The following EDARADD variants were observed in gnomAD, a reference collection of about 807,000 sequenced individuals.
EDARADD encodes the protein EDAR associated via death domain.
In EDARADD, 20 loss-of-function variants were observed where a neutral mutation model predicts 25.6. That is an observed-to-expected ratio of 0.78 (90% confidence interval 0.55 to 1.14). The LOEUF (loss-of-function observed/expected upper bound fraction) is 1.14, where lower values mean the gene tolerates loss of function less well. Ranked by LOEUF, EDARADD falls within the 50% of genes most tolerant of loss-of-function variation. EDARADD has a pLI of 0.00. For synonymous variants in EDARADD, 86 were observed against 94.4 expected, an observed-to-expected ratio of 0.91 and a Z score of 0.52; for missense variants, 225 against 270.1, an observed-to-expected ratio of 0.83 and a Z score of 1.17.
chr1:236,443,479 T>A (rs1197850355), intron 4 of EDARADD, among the ~76,000 whole-genome samples: 1 of 152,198 alleles, frequency 6.6e-6, no homozygotes, highest in East Asian at 1.9e-4. Flanking sequence ...TTGGAAGAAG[T>A]TGATTCCAAC....
At position 236,395,467 on chromosome 1, in the gene EDARADD, G is replaced by A. The variant is rs879166250; in HGVS notation, c.61+962G>A. ...TGGAAGAAGCGAAGGAGGAGAAGAA[G>A]AAGGGAGGGGAAGGCGGAGGAGGGC... On this transcript the variant is annotated intron_variant, in intron 1 of 5. Coordinates refer to ENST00000334232, the MANE Select transcript of EDARADD (RefSeq NM_145861.4). This position sits in a 1 kb window ranked among gnomAD's most constrained non-coding sequence, Gnocchi z 6.9. 1.1e-5 allele frequency: 17 copies of A among 1,498,130 alleles called. No homozygotes were observed. In the South Asian group the frequency reaches 1.9e-4, roughly 17 times the overall value. 92.8% of individuals were successfully genotyped at this position (1,498,130 alleles called of 1,614,324 possible).
intron 3 of EDARADD, among the ~76,000 whole-genome samples, chr1:236,414,826 T>C (rs1657592658): frequency 6.6e-6 from 1 of 151,582 alleles, no homozygotes; most frequent in Non-Finnish European, 1.5e-5. Flanking sequence ...TGAGCCAAGA[T>C]CGCACCACTG....
chr1:236,454,763 A>C (rs1658810590), intron 4 of EDARADD, among the ~76,000 whole-genome samples: 1 of 152,212 alleles, frequency 6.6e-6, no homozygotes, highest in African/African-American at 2.4e-5. Flanking sequence ...AGTTGGTAGC[A>C]GTTGTTACCA....
intron 1 of EDARADD, among the ~76,000 whole-genome samples, chr1:236,400,808 C>G (rs1246318178): frequency 6.6e-6 from 1 of 151,378 alleles, no homozygotes. Context: ...AATCTGCCCT[C>G]CTTGGCCTCC....
intron 5 of EDARADD, among the ~76,000 whole-genome samples, chr1:236,479,504 G>GGA (rs1558138972): frequency 6.8e-6 from 1 of 146,530 alleles, no homozygotes; most frequent in Non-Finnish European, 1.5e-5. Context: ...CAAAAAAAAA[G>GGA]AAAAAAAAAA....
chr1:236,384,003 A>G, intron 3 of EDARADD, among the ~76,000 whole-genome samples: 1 of 152,174 alleles, frequency 6.6e-6, no homozygotes, highest in East Asian at 1.9e-4. Flanking sequence ...ACCTTGTCTC[A>G]AAAAAATAAA....
At chr1:236,404,531 G>A (rs977293828) in intron 1 of EDARADD, among the ~76,000 whole-genome samples, 6 of 152,288 alleles carry the variant, frequency 3.9e-5, no homozygotes, top group Non-Finnish European at 8.8e-5. Context: ...TCCACAGCTT[G>A]ATATAAGGCA....
At position 236,482,607 on chromosome 1, in the gene EDARADD, G is replaced by T. The variant is rs1659710049; in HGVS notation, c.606G>T (p.Glu202Asp). ...EKVLRRWVDE[E>D]WPKRERGDPS... ...TTCTGCGCAGGTGGGTGGACGAGGA[G>T]TGGCCCAAGCGGGAGCGTGGAGACC... Residue 202 changes from glutamate (E) to aspartate (D), a missense_variant, in exon 6 of 6, where the codon GAG becomes GAT. Coordinates refer to ENST00000334232, the MANE Select transcript of EDARADD (RefSeq NM_145861.4). 6.2e-7 allele frequency: 1 copy of T among 1,612,564 alleles called. No homozygotes were observed.
intron 4 of EDARADD, among the ~76,000 whole-genome samples, chr1:236,442,565 C>T (rs1167647667): frequency 6.6e-6 from 1 of 152,226 alleles, no homozygotes; most frequent in East Asian, 1.9e-4. Flanking sequence ...AGCTAATGAT[C>T]ATTGACCATT....
In EDARADD at chr1:236,373,025, C is replaced by T. The variant is rs1227409376; in HGVS notation, c.-6+22186C>T. 2.0e-5 allele frequency among the ~76,000 whole-genome samples: 3 copies of T among 147,850 alleles called. No homozygotes were observed. In the East Asian group the frequency reaches 6.1e-4, roughly 30 times the overall value. ...CCGCCTCCCGGGTTCATGCCATTCT[C>T]CTGCCTCAGCCTCCCGATTAGCTGG... On this transcript the variant is annotated intron_variant, in intron 3 of 7. Coordinates refer to the EDARADD transcript ENST00000439430.
intron 5 of EDARADD, among the ~76,000 whole-genome samples, chr1:236,480,694 G>A (rs1243416750): frequency 6.6e-6 from 1 of 152,134 alleles, no homozygotes; most frequent in Admixed American, 6.6e-5. Context: ...GAATTCAGAG[G>A]GTTCATGAGA....
chr1:236,444,830 C>A (rs769937938), intron 4 of EDARADD, among the ~76,000 whole-genome samples: 8 of 152,342 alleles, frequency 5.3e-5, no homozygotes, highest in Admixed American at 3.9e-4. Context: ...CCAACCCCAC[C>A]TCTTCAGTCT....
At chr1:236,429,641 TC>T (rs1658043990) in intron 4 of EDARADD, among the ~76,000 whole-genome samples, 1 of 151,992 alleles carries the variant, frequency 6.6e-6, no homozygotes, top group Non-Finnish European at 1.5e-5. Context: ...CACCTAGGCC[TC>T]CCAAAGTGCT....
chr1:236,457,823 CAAAAA>C (rs1553269204), intron 4 of EDARADD, among the ~76,000 whole-genome samples: 1 of 118,272 alleles, frequency 8.5e-6, no homozygotes, highest in East Asian at 2.6e-4. Flanking sequence ...TGTCCCCCAC[CAAAAA>C]AAAAAAAAAA....
chr1:236,393,625 G>C (rs1457701542), upstream of EDARADD, among the ~76,000 whole-genome samples: 1 of 151,900 alleles, frequency 6.6e-6, no homozygotes, highest in East Asian at 1.9e-4. Flanking sequence ...TCGAACTCCT[G>C]ACCTCAAATA....
intron 4 of EDARADD, among the ~76,000 whole-genome samples, chr1:236,433,117 A>G (rs1275450264): frequency 5.3e-5 from 8 of 152,128 alleles, no homozygotes; most frequent in African/African-American, 1.9e-4. Context: ...TGATTCTAAA[A>G]TAAAAGCGTT....
intron 3 of EDARADD, among the ~76,000 whole-genome samples, chr1:236,360,537 GTTTT>G (rs869053977): frequency 0.066 from 8,647 of 131,080 alleles, 460 homozygotes; most frequent in African/African-American, 0.12. Flanking sequence ...TTAATTCACG[GTTTT>G]TTTTTTTTTT....
chr1:236,406,308 C>T (rs1302842134), intron 1 of EDARADD, among the ~76,000 whole-genome samples: 3 of 152,078 alleles, frequency 2.0e-5, no homozygotes, highest in Admixed American at 2.0e-4. Context: ...ACTGGAAAAC[C>T]GAATGCACGT....
At chr1:236,385,490 G>A (rs1278079626) in intron 3 of EDARADD, among the ~76,000 whole-genome samples, 9 of 151,704 alleles carry the variant, frequency 5.9e-5, no homozygotes, top group Non-Finnish European at 7.4e-5. Context: ...TTGGGAGGCT[G>A]AGGTGGGCAG....
Sources: allele counts gnomAD v4.1 joint callset (sites outside exome capture counted in the v4.1 genomes callset), GRCh38; gene constraint gnomAD v4.1.1; non-coding constraint Gnocchi (gnomAD v3.1); transcripts MANE v1.5; gene names NCBI Gene and HGNC (gene_info 2026-07-23, HGNC 2026-07-21).